DES: variants seen among roughly 807,000 people sequenced by gnomAD.
DES encodes cardiomyopathy, dilated 1F (autosomal dominant).
In DES, 34 loss-of-function variants were observed where a neutral mutation model predicts 55.1. That is an observed-to-expected ratio of 0.62 (90% CI 0.47 to 0.82). The LOEUF is 0.82. Among genes scored for constraint, DES ranks in the 40% least tolerant of loss-of-function variants. The pLI, the probability that DES is intolerant of heterozygous loss-of-function variation, is 0.00. For synonymous variants in DES, 259 were observed against 270.8 expected (o/e 0.96, Z 0.43); for missense variants, 596 against 645.9 (o/e 0.92, Z 0.84).
At position 219,420,008 on chromosome 2, in the gene DES, C is replaced by A; in HGVS notation, c.579-87C>A. On this transcript the variant is annotated intron_variant, in intron 1 of 8. Coordinates refer to ENST00000373960, the MANE Select transcript of DES (RefSeq NM_001927.4). This position sits in a 1 kb window ranked among gnomAD's most constrained non-coding sequence, Gnocchi z 6.0. The stretch of plus-strand genomic sequence containing the variant: ...CCAGGCCCTCCCGCTCTGTCCTGGA[C>A]CCACCCCCTGGTCAGCCCCCGGCCA... 1 of 1,443,756 alleles carries A rather than the reference C, an allele frequency of 6.9e-7. No individual in the cohort carries two copies. The highest frequency in any genetic ancestry group is 9.7e-7 in the Non-Finnish European group (1 of 1,026,852). 89.4% of individuals were successfully genotyped at this position (1,443,756 alleles called of 1,614,324 possible). A position where few individuals can be genotyped will look rare whatever the true frequency, so the allele number is the denominator to read the frequency against.
chr2:219,418,528 GGGCTTCCCACTC>G lies in DES; in HGVS notation c.71_82del (p.Phe24_Gly27del). The stretch of plus-strand genomic sequence containing the variant: ...ACCGCCGCACCTTCGGCGGGGCCCC[GGGCTTCCCACTC>G]GGCTCCCCGCTGAGTTCGCCCGTGT... On this transcript the variant is annotated inframe_deletion, in exon 1 of 9. Transcript: ENST00000373960. The G allele has an allele frequency of 6.2e-7, 1 of 1,603,630 alleles. No individual in the cohort carries two copies. The highest frequency in any genetic ancestry group is 8.5e-7 in the Non-Finnish European group (1 of 1,176,452).
rs200054661 is a variant in DES at position 219,421,525 on chromosome 2, C to T, written c.1209C>T (p.Ala403=). The change falls in exon 6 of 9, where the codon GCC becomes GCT. Residue 403 remains alanine, a synonymous_variant. Coordinates refer to ENST00000373960, the MANE Select transcript of DES (RefSeq NM_001927.4). ...NVKMALDVEI[A]TYRKLLEGEE... is the part of the protein sequence containing the mutation. ...AGATGGCCCTGGATGTGGAGATTGC[C>T]ACCTACCGGAAGCTGCTGGAGGGAG... 1.7e-5 allele frequency: 28 copies of T among 1,613,970 alleles called. No individual in the cohort carries two copies. Among genetic ancestry groups the T allele is most frequent in the Admixed American group, 3.3e-5 (2 of 59,998 alleles).
At chr2:219,425,826 T>C in intron 8 of DES, 81 bp downstream of exon 8, 1 of 1,601,680 alleles carries the variant, frequency 6.2e-7, no homozygotes, top group Non-Finnish European at 8.6e-7. Context: ...CCAGCTGTGC[T>C]GGTCTAGGTC....
chr2:219,418,567 C>A lies in DES; in HGVS notation c.105C>A (p.Phe35Leu), dbSNP rs768166041. ...PLGSPLSSPV[F>L]PRAGFGSKGS... is the part of the protein sequence containing the mutation. The stretch of plus-strand genomic sequence containing the variant: ...GCTCCCCGCTGAGTTCGCCCGTGTT[C>A]CCGCGGGCGGGTTTCGGCTCTAAGG... The change falls in exon 1 of 9, where the codon TTC (phenylalanine) becomes TTA (leucine). Residue 35 changes from phenylalanine (F) to leucine (L), a missense_variant. Phe to Leu is a conservative substitution (Grantham distance 22). Transcript: ENST00000373960. The A allele has an allele frequency of 6.2e-7, 1 of 1,603,784 alleles. No individual in the cohort carries two copies. The highest frequency in any genetic ancestry group is 8.5e-7 in the Non-Finnish European group (1 of 1,175,908).
chr2:219,420,669 G>A lies in DES; in HGVS notation c.897+13G>A, dbSNP rs201433470. The A allele has an allele frequency of 6.2e-5, 100 of 1,614,000 alleles. No homozygotes were observed. The highest frequency in any genetic ancestry group is 2.7e-4 in the East Asian group (12 of 44,874). ...GTACAAGTCGAAGGTGGGTGGCCTCGCCCGGGGACTGGCATCTCCGTCCCC... is the reference window on the plus strand; with the variant it reads ...GTACAAGTCGAAGGTGGGTGGCCTCACCCGGGGACTGGCATCTCCGTCCCC... On this transcript the variant is annotated intron_variant, in intron 4 of 8. Transcript: ENST00000373960. The surrounding 1 kb of genome is among the most constrained non-coding windows in gnomAD (Gnocchi z 6.0).
rs984195988 is a variant in DES, at chr2:219,423,688, C to T, written c.1245-89C>T. The T allele has an allele frequency of 3.1e-6, 4 of 1,309,654 alleles. No individual in the cohort carries two copies. In the African/African-American group the frequency reaches 4.4e-5, roughly 14 times the overall value. The allele number at this position is 1,309,654 out of a possible 1,614,324, so 81.1% of individuals were successfully genotyped here. A position where few individuals can be genotyped will look rare whatever the true frequency, so the allele number is the denominator to read the frequency against. ...TCTCCTGACCTGGTGATCCGCCCGC[C>T]TCGGCCTTTCAAAGTGCTGGGATTA... On this transcript the variant is annotated intron_variant, in intron 6 of 8. Transcript: ENST00000373960.
Position 219,418,519 on chromosome 2 carries a change from C to A in DES, c.57C>A (p.Gly19=). 1 of 1,603,090 alleles carries A rather than the reference C, an allele frequency of 6.2e-7. No homozygotes were observed. Among genetic ancestry groups the A allele is most frequent in the Non-Finnish European group, 8.5e-7 (1 of 1,176,416 alleles). The part of the protein sequence containing the change: ...QRVSSYRRTF[G]GAPGFPLGSP... The stretch of plus-strand genomic sequence containing the variant: ...TGTCCTCCTACCGCCGCACCTTCGG[C>A]GGGGCCCCGGGCTTCCCACTCGGCT... The change falls in exon 1 of 9, where the codon GGC becomes GGA. Residue 19 remains glycine (G), a synonymous_variant. Coordinates refer to ENST00000373960, the MANE Select transcript of DES (RefSeq NM_001927.4).
At chr2:219,425,775 T>C (rs1472931050) in intron 8 of DES, 30 bp downstream of exon 8, 1 of 1,605,718 alleles carries the variant, frequency 6.2e-7, no homozygotes, top group South Asian at 1.1e-5. Context: ...TCCTTACCCT[T>C]GGTGGGGGCT....
chr2:219,423,862 C>G, intron 7 of DES, 42 bp downstream of exon 7: 1 of 1,609,352 alleles, frequency 6.2e-7, no homozygotes, highest in Non-Finnish European at 8.5e-7. Flanking sequence ...TTGCAGGGGC[C>G]AGGAGTCCAG....
At chr2:219,424,501 C>T (rs1954501656) in intron 7 of DES, among the ~76,000 whole-genome samples, 1 of 152,160 alleles carries the variant, frequency 6.6e-6, no homozygotes, top group Admixed American at 6.5e-5. Context: ...TGTACATTTC[C>T]ATCAGGAAAA....
At position 219,418,868 on chromosome 2, in the gene DES, C is replaced by G. The variant is rs1175707667; in HGVS notation, c.406C>G (p.Leu136Val). 7.0e-6 allele frequency: 11 copies of G among 1,575,034 alleles called. No individual in the cohort carries two copies. Among genetic ancestry groups the G allele is most frequent in the Non-Finnish European group, 9.5e-6 (11 of 1,160,800 alleles). ...VRFLEQQNAA[L>V]AAEVNRLKGR... Reference sequence around the variant, plus strand: ...CTTCCTGGAGCAGCAGAACGCGGCGCTCGCCGCCGAAGTGAACCGGCTCAA... The same window carrying G: ...CTTCCTGGAGCAGCAGAACGCGGCGGTCGCCGCCGAAGTGAACCGGCTCAA... The change falls in exon 1 of 9, where the codon CTC becomes GTC. Residue 136 changes from leucine to valine, a missense_variant. Coordinates refer to ENST00000373960, the MANE Select transcript of DES (RefSeq NM_001927.4).
In DES at chr2:219,420,861, A is replaced by G. The variant is rs1954426654; in HGVS notation, c.931A>G (p.Asn311Asp). Reference protein sequence around the residue: ...SDLTQAANKNNDALRQAKQEM... With the variant: ...SDLTQAANKNDDALRQAKQEM... ...CCTGACCCAGGCAGCCAACAAGAAC[A>G]ACGACGCCCTGCGCCAGGCCAAGCA... is the stretch of plus-strand genomic sequence containing the variant. The change falls in exon 5 of 9, where the codon AAC (asparagine) becomes GAC (aspartate). Residue 311 changes from asparagine (N) to aspartate (D), a missense_variant. By Grantham distance (23) the Asn-to-Asp change is conservative. Coordinates refer to ENST00000373960, the MANE Select transcript of DES (RefSeq NM_001927.4). This position sits in a 1 kb window ranked among gnomAD's most constrained non-coding sequence, Gnocchi z 6.0. The G allele has an allele frequency of 3.1e-6, 5 of 1,613,772 alleles. No individual in the cohort carries two copies. The highest frequency in any genetic ancestry group is 1.1e-5 in the South Asian group (1 of 91,070).
At position 219,426,518 on chromosome 2, in the gene DES, T is replaced by G. The variant is rs1024964792; in HGVS notation, c.*528T>G. On this transcript the variant is annotated 3_prime_UTR_variant, in exon 9 of 9. Coordinates refer to ENST00000373960, the MANE Select transcript of DES (RefSeq NM_001927.4). The surrounding 1 kb of genome is among the most constrained non-coding windows in gnomAD (Gnocchi z 4.5). Reference sequence around the variant, plus strand: ...TCCTTTCCCCAGCCCAGGGTGGACTTAGAAAGCAGGGGCTACAAGAGGGAA... The same window carrying G: ...TCCTTTCCCCAGCCCAGGGTGGACTGAGAAAGCAGGGGCTACAAGAGGGAA... 4 of 195,414 alleles carry G rather than the reference T, an allele frequency of 2.0e-5. No individual in the cohort carries two copies. The highest frequency in any genetic ancestry group is 1.6e-4 in the Admixed American group (3 of 18,988). 12.1% of individuals were successfully genotyped at this position (195,414 alleles called of 1,614,324 possible).
intron 6 of DES, among the ~76,000 whole-genome samples, chr2:219,422,207 C>T (rs182879104): frequency 9.7e-4 from 147 of 151,772 alleles, no homozygotes; most frequent in Non-Finnish European, 1.5e-3. Context: ...AGGAGGGAAA[C>T]GGAGGGAGCA....
In DES at chr2:219,420,558, A is replaced by G; in HGVS notation, c.799A>G (p.Lys267Glu). 6.2e-7 allele frequency: 1 copy of G among 1,613,932 alleles called. No individual in the cohort carries two copies. The highest frequency in any genetic ancestry group is 8.5e-7 in the Non-Finnish European group (1 of 1,179,984). ...QQVQVEMDMSKPDLTAALRDI... is the reference protein window; with the variant it reads ...QQVQVEMDMSEPDLTAALRDI... Reference sequence around the variant, plus strand: ...GGTCCAGGTGGAGATGGACATGTCTAAGCCAGACCTCACTGCCGCCCTCAG... The same window carrying G: ...GGTCCAGGTGGAGATGGACATGTCTGAGCCAGACCTCACTGCCGCCCTCAG... Residue 267 changes from lysine to glutamate, a missense_variant, in exon 4 of 9, where the codon AAG becomes GAG. Physicochemically the swap from Lys to Glu is moderately conservative, Grantham distance 56. Transcript: ENST00000373960. This position sits in a 1 kb window ranked among gnomAD's most constrained non-coding sequence, Gnocchi z 6.0.
In DES at chr2:219,419,077, G is replaced by T. The variant is rs1445538411; in HGVS notation, c.578+37G>T. ...GCACCCCAGACTCCTCTTTCTGCGG[G>T]CAGGGCACAGGAGGCTAGGCCTGGG... On this transcript the variant is annotated intron_variant, in intron 1 of 8. Transcript: ENST00000373960. This position sits in a 1 kb window ranked among gnomAD's most constrained non-coding sequence, Gnocchi z 4.3. 6.5e-7 allele frequency: 1 copy of T among 1,535,642 alleles called. No homozygotes were observed.
chr2:219,425,286 T>G (rs1273071742), intron 7 of DES: 2 of 263,418 alleles, frequency 7.6e-6, no homozygotes, highest in South Asian at 4.9e-5. Context: ...AGAAGGGGAG[T>G]CCCAGGAGAC....
rs542837984 is a variant in DES, at chr2:219,419,271, G to A, written c.578+231G>A. On this transcript the variant is annotated intron_variant, in intron 1 of 8. Transcript: ENST00000373960. This position sits in a 1 kb window ranked among gnomAD's most constrained non-coding sequence, Gnocchi z 4.3. Reference sequence around the variant, plus strand: ...GAGTTTTCTTGGGGACATAGATCAGGGGGTGGATATGGGAGAATTTAGGGG... The same window carrying A: ...GAGTTTTCTTGGGGACATAGATCAGAGGGTGGATATGGGAGAATTTAGGGG... Among the ~76,000 whole-genome samples, 1 of 152,362 alleles carries A rather than the reference G, an allele frequency of 6.6e-6. No individual in the cohort carries two copies. Among genetic ancestry groups the A allele is most frequent in the South Asian group, 2.1e-4 (1 of 4,832 alleles).
At position 219,418,888 on chromosome 2, in the gene DES, G is replaced by T. The variant is rs1385728377; in HGVS notation, c.426G>T (p.Arg142=). ...CGGCGCTCGCCGCCGAAGTGAACCG[G>T]CTCAAGGGCCGCGAGCCGACGCGAG... ...QNAALAAEVN[R]LKGREPTRVA... Residue 142 remains arginine (R), a synonymous_variant, in exon 1 of 9, where the codon CGG becomes CGT. Transcript: ENST00000373960. The T allele has an allele frequency of 1.9e-6, 3 of 1,568,158 alleles. No homozygotes were observed. In the South Asian group the frequency reaches 3.5e-5, roughly 18 times the overall value.
Sources: allele counts gnomAD v4.1 joint callset (sites outside exome capture counted in the v4.1 genomes callset), GRCh38; gene constraint gnomAD v4.1.1; non-coding constraint Gnocchi (gnomAD v3.1); transcripts MANE v1.5; gene names NCBI Gene and HGNC (gene_info 2026-07-23, HGNC 2026-07-21).